Variants in NWD1 observed in about 807,000 individuals in gnomAD.
NWD1 encodes the protein NACHT domain- and WD repeat-containing protein 1.
NWD1 carries 129 observed loss-of-function variants against 135.1 expected under a neutral mutation model. The ratio of observed to expected loss-of-function variants is 0.96; its 90% CI spans 0.83 to 1.11. The LOEUF is 1.11. NWD1 is among the 50% of genes least tolerant of loss of function. The pLI is 0.00. For missense variants in NWD1, 1,740 were observed against 1,851.3 expected (o/e 0.94, Z 1.10); for synonymous variants, 773 against 786.0 (o/e 0.98, Z 0.28).
At chr19:16,805,042 T>C (rs1230044255) in intron 17 of NWD1, among the ~76,000 whole-genome samples, 1 of 151,578 alleles carries the variant, frequency 6.6e-6, no homozygotes, top group Non-Finnish European at 1.5e-5. Context: ...TTTTTATTTT[T>C]ATTTTATTTT....
At chr19:16,762,562 A>G (rs1196279584) in intron 8 of NWD1, among the ~76,000 whole-genome samples, 2 of 151,984 alleles carry the variant, frequency 1.3e-5, no homozygotes, top group African/African-American at 4.8e-5. Flanking sequence ...TCAAAAACAA[A>G]CAAACAAACA....
At chr19:16,811,615 A>AAAAAG (rs901207691) in intron 18 of NWD1, among the ~76,000 whole-genome samples, 16 of 152,028 alleles carry the variant, frequency 1.1e-4, no homozygotes, top group Non-Finnish European at 1.3e-4. Context: ...GAAAGAAAGA[A>AAAAAG]AAAAGAAAAG....
intron 5 of NWD1, among the ~76,000 whole-genome samples, chr19:16,746,263 C>G (rs11881796): frequency 0.036 from 5,229 of 146,668 alleles, 146 homozygotes; most frequent in Middle Eastern, 0.085. Context: ...AGGAGAGTGA[C>G]GTGGGAGGAT....
At chr19:16,768,453 A>C (rs542674697) in intron 10 of NWD1, among the ~76,000 whole-genome samples, 58 of 152,326 alleles carry the variant, frequency 3.8e-4, no homozygotes, top group African/African-American at 1.2e-3. Context: ...GAATCACTAG[A>C]TCACATGGAA....
At chr19:16,750,916 G>A (rs558692552) in intron 6 of NWD1, among the ~76,000 whole-genome samples, 8 of 152,214 alleles carry the variant, frequency 5.3e-5, no homozygotes, top group South Asian at 2.1e-4. Context: ...TAAAAGTCTC[G>A]GAGCTATAAA....
At chr19:16,784,343 G>T (rs975783431) in intron 12 of NWD1, among the ~76,000 whole-genome samples, 4 of 152,072 alleles carry the variant, frequency 2.6e-5, no homozygotes, top group East Asian at 1.9e-4. Flanking sequence ...TCCAGCCGGG[G>T]TAACACAGCC....
chr19:16,767,291 A>C (rs1055845716), intron 10 of NWD1, among the ~76,000 whole-genome samples: 3 of 147,908 alleles, frequency 2.0e-5, no homozygotes, highest in African/African-American at 7.4e-5. Flanking sequence ...GCATGGCAGC[A>C]GGCGAGAGAG....
At chr19:16,721,000 G>A (rs555656151) in intron 1 of NWD1, among the ~76,000 whole-genome samples, 3 of 152,150 alleles carry the variant, frequency 2.0e-5, no homozygotes, top group African/African-American at 7.2e-5. Context: ...ACAGGTACAT[G>A]CCACCGCGCC....
intron 2 of NWD1, among the ~76,000 whole-genome samples, chr19:16,729,986 G>A (rs781698174): frequency 2.6e-5 from 4 of 152,128 alleles, no homozygotes; most frequent in East Asian, 1.9e-4. Flanking sequence ...CAGCCCACCC[G>A]TGTGTTTTCA....
At position 16,784,503 on chromosome 19, in the gene NWD1, G is replaced by T. The variant is rs1969971405; in HGVS notation, c.2732-4479G>T. On this transcript the variant is annotated intron_variant, in intron 12 of 18. Transcript: ENST00000524140. ...TGGTATCCGCAGGGGTGAAGGAAGG[G>T]CAGGGGAGAGGAAAGAGCCTCCCAG... is the stretch of plus-strand genomic sequence containing the variant. Among the ~76,000 whole-genome samples, 3 of 152,116 alleles carry T rather than the reference G, an allele frequency of 2.0e-5. No individual in the cohort carries two copies. The South Asian group carries it at 6.2e-4, about 32-fold the overall frequency.
Position 16,737,566 on chromosome 19 carries a change from G to GTT in NWD1, c.198+830_198+831dup, listed in dbSNP as rs534107837. On this transcript the variant is annotated intron_variant, in intron 4 of 18. Transcript: ENST00000524140. ...GCCAATGCACCTGGTCTAGTTTTAA[G>GTT]TTTTTTTTTTTTTTTGAGATGGGTC... Among the ~76,000 whole-genome samples the GTT allele has an allele frequency of 1.2e-3, 164 of 139,682 alleles. 2 individuals carry two copies. Among genetic ancestry groups the GTT allele is most frequent in the Middle Eastern group, 3.6e-3 (1 of 280 alleles). 91.6% of individuals were successfully genotyped at this position (139,682 alleles called of 152,430 possible).
intron 15 of NWD1, among the ~76,000 whole-genome samples, chr19:16,795,490 C>A (rs1206739681): frequency 6.7e-6 from 1 of 149,820 alleles, no homozygotes; most frequent in Non-Finnish European, 1.5e-5. Context: ...GATCTCAGCT[C>A]ACTGCAACCT....
Position 16,759,340 on chromosome 19 carries a change from C to T in NWD1, c.1885C>T (p.Leu629=), listed in dbSNP as rs1285233912. ...CAAGGAGCTGCTGCGCTTCCCGCCCCTGCTGTGGGTGCGGCTTCGTCGGGA... is the reference window on the plus strand; with the variant it reads ...CAAGGAGCTGCTGCGCTTCCCGCCCTTGCTGTGGGTGCGGCTTCGTCGGGA... ...PSKELLRFPP[L]LWVRLRRDLG... The change falls in exon 7 of 19, where the codon CTG becomes TTG. Residue 629 remains leucine, a synonymous_variant. Coordinates refer to ENST00000524140, the MANE Select transcript of NWD1 (RefSeq NM_001007525.5). 2 of 1,613,950 alleles carry T rather than the reference C, an allele frequency of 1.2e-6. No individual in the cohort carries two copies. The highest frequency in any genetic ancestry group is 1.7e-6 in the Non-Finnish European group (2 of 1,179,946).
chr19:16,791,304 C>T (rs763641040), intron 13 of NWD1, 46 bp from the exon 14 acceptor site: 1 of 1,581,894 alleles, frequency 6.3e-7, no homozygotes, highest in East Asian at 2.2e-5. Context: ...AACTTGTAGT[C>T]TAGGTCTCCT....
At chr19:16,779,664 A>C (rs553306239) in intron 12 of NWD1, among the ~76,000 whole-genome samples, 199 bp downstream of exon 12, 1 of 152,208 alleles carries the variant, frequency 6.6e-6, no homozygotes, top group East Asian at 1.9e-4. Context: ...TAAATATGGG[A>C]TCTCACTGTA....
intron 3 of NWD1, among the ~76,000 whole-genome samples, chr19:16,734,593 T>G (rs1409465014): frequency 1.3e-5 from 2 of 151,236 alleles, no homozygotes; most frequent in African/African-American, 2.4e-5. Flanking sequence ...TCTGTTTTTC[T>G]TGCAACAGGG....
At chr19:16,802,173 G>A (rs1182257607) in intron 17 of NWD1, among the ~76,000 whole-genome samples, 1 of 151,610 alleles carries the variant, frequency 6.6e-6, no homozygotes, top group African/African-American at 2.4e-5. Context: ...AATCCCAGCT[G>A]TTCAGGAGGG....
intron 1 of NWD1, among the ~76,000 whole-genome samples, chr19:16,722,271 C>G (rs554033422): frequency 6.6e-6 from 1 of 150,960 alleles, no homozygotes; most frequent in Admixed American, 6.6e-5. Flanking sequence ...TGCACTCCAG[C>G]CTGGGCGACA....
At chr19:16,723,883 A>G (rs1967229790) in intron 1 of NWD1, among the ~76,000 whole-genome samples, 1 of 151,900 alleles carries the variant, frequency 6.6e-6, no homozygotes, top group South Asian at 2.1e-4. Context: ...TTTAGTAGAG[A>G]CGGGGTTTCA....
Sources: gnomAD v4.1 joint callset for allele counts (sites outside exome capture counted in the v4.1 genomes callset) on GRCh38, gnomAD v4.1.1 for gene constraint, MANE v1.5 for transcripts, NCBI Gene and HGNC (gene_info 2026-07-23, HGNC 2026-07-21) for gene names.